PTPRD: variants seen among roughly 807,000 people sequenced by gnomAD.
PTPRD encodes receptor-type tyrosine-protein phosphatase delta.
A neutral mutation model predicts 214.5 loss-of-function variants in PTPRD; 34 were observed. The observed-to-expected ratio is 0.16, with a 90% CI of 0.12 to 0.21. PTPRD has a LOEUF of 0.21. Among genes scored for constraint, PTPRD ranks in the 10% least tolerant of loss-of-function variants. The pLI is 1.00. For synonymous variants in PTPRD, 1,128 were observed against 845.7 expected (o/e 1.33, Z -5.79); for missense variants, 2,545 against 2,398.7 (o/e 1.06, Z -1.27).
chr9:10,606,880 T>C (rs62535924), intron 2 of PTPRD, among the ~76,000 whole-genome samples: 19,528 of 151,982 alleles, frequency 0.13, 1,668 homozygotes, highest in Non-Finnish European at 0.2. Flanking sequence ...AGTTCTAATA[T>C]GATGAATGCA....
intron 14 of PTPRD, among the ~76,000 whole-genome samples, chr9:8,557,431 A>AATATATATATATATATAT (rs1281715374): frequency 5.4e-5 from 6 of 111,750 alleles, no homozygotes; most frequent in African/African-American, 4.6e-4. Flanking sequence ...TTCATTTGTA[A>AATATATATATATATATAT]ATACATATAT....
At chr9:9,649,143 T>C (rs1274167011) in intron 7 of PTPRD, among the ~76,000 whole-genome samples, 1 of 152,176 alleles carries the variant, frequency 6.6e-6, no homozygotes, top group African/African-American at 2.4e-5. Flanking sequence ...ATAGCGACCA[T>C]ATATCATGTA....
intron 5 of PTPRD, among the ~76,000 whole-genome samples, chr9:9,906,442 C>A (rs138222272): frequency 2.9e-4 from 44 of 151,834 alleles, no homozygotes; most frequent in African/African-American, 1.1e-3. Context: ...ACTGGTTAAC[C>A]TGTATTGGTG....
rs964645191 is a variant in PTPRD, at chr9:9,598,859, A to T, written c.-286-24078T>A. On this transcript the variant is annotated intron_variant, in intron 7 of 45. Coordinates refer to ENST00000381196, the MANE Select transcript of PTPRD (RefSeq NM_002839.4). ...GGCTTTACTAATTCTCAGCTGTGCC[A>T]TTTTGGCCAAAGATTTCCTTCTGAA... is the stretch of plus-strand genomic sequence containing the variant. Among the ~76,000 whole-genome samples the T allele has an allele frequency of 7.9e-5, 12 of 152,088 alleles. No individual in the cohort carries two copies. The South Asian group carries it at 2.3e-3, about 29-fold the overall frequency.
intron 9 of PTPRD, among the ~76,000 whole-genome samples, chr9:9,270,387 G>A (rs1942333645): frequency 6.6e-6 from 1 of 151,278 alleles, no homozygotes; most frequent in African/African-American, 2.4e-5. Context: ...TGGCATTTAT[G>A]CTAAAAATAT....
intron 2 of PTPRD, among the ~76,000 whole-genome samples, chr9:10,436,287 T>A (rs2098716962): frequency 6.6e-6 from 1 of 151,802 alleles, no homozygotes; most frequent in Non-Finnish European, 1.5e-5. Flanking sequence ...CATATATAAA[T>A]CACATAAATT....
At chr9:8,334,340 C>A (rs941188758) in intron 43 of PTPRD, among the ~76,000 whole-genome samples, 2 of 149,312 alleles carry the variant, frequency 1.3e-5, no homozygotes, top group Admixed American at 1.4e-4. Flanking sequence ...AACGGTCTCT[C>A]AGACCACAGT....
chr9:9,313,126 G>A (rs930936087), intron 9 of PTPRD, among the ~76,000 whole-genome samples: 29 of 152,046 alleles, frequency 1.9e-4, no homozygotes, highest in African/African-American at 2.4e-4. Flanking sequence ...AAAATATAGC[G>A]TAGGAACCTA....
chr9:9,671,526 T>A (rs2096832476), intron 7 of PTPRD, among the ~76,000 whole-genome samples: 1 of 152,104 alleles, frequency 6.6e-6, no homozygotes. Context: ...AGGGGCAGAA[T>A]GACATGGTTT....
chr9:9,424,868 C>T (rs1318004994), intron 8 of PTPRD, among the ~76,000 whole-genome samples: 1 of 152,094 alleles, frequency 6.6e-6, no homozygotes, highest in African/African-American at 2.4e-5. Context: ...GATGGATTGG[C>T]TGCAAAGAAG....
In PTPRD at chr9:8,975,300, A is replaced by T. The variant is rs116776122; in HGVS notation, c.-104+43397T>A. On this transcript the variant is annotated intron_variant, in intron 11 of 45. Transcript: ENST00000381196. ...GATTCCTAATGATAATTAAACAATC[A>T]CTTTGTTTCAAGAACATTTCTATGT... Among the ~76,000 whole-genome samples, 592 of 152,124 alleles carry T rather than the reference A, an allele frequency of 3.9e-3. 4 individuals are homozygous for T. The highest frequency in any genetic ancestry group is 0.014 in the African/African-American group (565 of 41,536).
intron 7 of PTPRD, among the ~76,000 whole-genome samples, chr9:9,733,958 C>T (rs4742614): frequency 0.012 from 1,815 of 152,196 alleles, 96 homozygotes; most frequent in Admixed American, 0.093. Flanking sequence ...TCACAGAAAA[C>T]CTCCTATCTC....
At chr9:9,195,716 C>A (rs199617541) in intron 9 of PTPRD, among the ~76,000 whole-genome samples, 216 of 129,956 alleles carry the variant, frequency 1.7e-3, no homozygotes, top group East Asian at 2.3e-3. Flanking sequence ...TTTTTAAATG[C>A]AAAAAAAAAA....
intron 7 of PTPRD, among the ~76,000 whole-genome samples, chr9:9,709,417 T>C (rs905834293): frequency 1.3e-5 from 2 of 151,986 alleles, no homozygotes; most frequent in African/African-American, 2.4e-5. Context: ...ATACATGTTA[T>C]CAAATTTTAC....
intron 14 of PTPRD, among the ~76,000 whole-genome samples, chr9:8,566,344 C>T (rs1288026874): frequency 6.6e-6 from 1 of 152,118 alleles, no homozygotes; most frequent in East Asian, 1.9e-4. Flanking sequence ...TTGTTTTCTT[C>T]ACTCATGTTC....
chr9:10,611,825 A>G (rs927763895), intron 2 of PTPRD, among the ~76,000 whole-genome samples: 1 of 151,650 alleles, frequency 6.6e-6, no homozygotes, highest in Admixed American at 6.6e-5. Flanking sequence ...TCCAATTATT[A>G]TCTCCTTACA....
intron 5 of PTPRD, among the ~76,000 whole-genome samples, chr9:9,808,414 C>T (rs1349516114): frequency 6.6e-6 from 1 of 152,074 alleles, no homozygotes; most frequent in Non-Finnish European, 1.5e-5. Flanking sequence ...TCTTAAAACC[C>T]CCTTTCTAGG....
intron 8 of PTPRD, among the ~76,000 whole-genome samples, chr9:9,446,892 T>C (rs546896805): frequency 6.6e-6 from 1 of 152,172 alleles, no homozygotes; most frequent in East Asian, 1.9e-4. Context: ...GACATACATG[T>C]GGCCAAGAAG....
chr9:10,225,343 T>C (rs1285371074), intron 3 of PTPRD, among the ~76,000 whole-genome samples: 1 of 152,072 alleles, frequency 6.6e-6, no homozygotes, highest in Non-Finnish European at 1.5e-5. Context: ...TACACCGTAA[T>C]TTGTTTCCTA....
Sources: allele counts gnomAD v4.1 joint callset (sites outside exome capture counted in the v4.1 genomes callset), GRCh38; gene constraint gnomAD v4.1.1; transcripts MANE v1.5; gene names NCBI Gene and HGNC (gene_info 2026-07-23, HGNC 2026-07-21).